Variants in MAN2B2 observed in about 807,000 individuals in gnomAD.
MAN2B2 encodes mannosidase alpha class 2B member 2.
MAN2B2 carries 106 observed loss-of-function variants against 117.1 expected under a neutral mutation model. The observed-to-expected ratio is 0.90, with a 90% CI of 0.77 to 1.06. MAN2B2 has a LOEUF of 1.06. Among genes scored for constraint, MAN2B2 ranks in the 50% least tolerant of loss-of-function variants. The probability of loss-of-function intolerance (pLI) is 0.00; values close to 1 mark genes in which losing one functional copy is unlikely to be tolerated. For synonymous variants in MAN2B2, 544 were observed against 595.1 expected, an observed-to-expected ratio of 0.91 and a Z score of 1.25; for missense variants, 1,326 against 1,381.4, an observed-to-expected ratio of 0.96 and a Z score of 0.64.
At chr4:6,610,166 CTTTT>C in intron 13 of MAN2B2, 116 bp downstream of exon 13, 1 of 1,434,496 alleles carries the variant, frequency 7.0e-7, no homozygotes, top group South Asian at 1.4e-5. Context: ...TGTTTTTTTC[CTTTT>C]TTTTAAGATG....
intron 3 of MAN2B2, among the ~76,000 whole-genome samples, chr4:6,586,041 T>A (rs1266855792): frequency 6.6e-6 from 1 of 151,080 alleles, no homozygotes; most frequent in African/African-American, 2.4e-5. Context: ...TTTATGGACA[T>A]CTTTTCTTGT....
chr4:6,618,665 G>A (rs1226217745), intron 17 of MAN2B2: 4 of 152,390 alleles, frequency 2.6e-5, no homozygotes, highest in African/African-American at 9.6e-5. Context: ...TCCCTCCCCA[G>A]AAGGCATGAC....
At position 6,587,139 on chromosome 4, in the gene MAN2B2, G is replaced by A. The variant is rs150055771; in HGVS notation, c.535G>A (p.Asp179Asn). The change falls in exon 4 of 19, where the codon GAC becomes AAC. Residue 179 changes from aspartate (D) to asparagine (N), a missense_variant. Asp to Asn is a conservative substitution (Grantham distance 23). Coordinates refer to ENST00000285599, the MANE Select transcript of MAN2B2 (RefSeq NM_015274.3). Reference sequence around the variant, plus strand: ...CCACCTCGGCTCCCGGATCGACTACGACCTGAAGGCAGCCATGCAGGAGGC... The same window carrying A: ...CCACCTCGGCTCCCGGATCGACTACAACCTGAAGGCAGCCATGCAGGAGGC... ...NAHLGSRIDYDLKAAMQEARG... is the reference protein window; with the variant it reads ...NAHLGSRIDYNLKAAMQEARG... The A allele has an allele frequency of 4.5e-4, 729 of 1,613,554 alleles. 1 individual carries two copies. In the African/African-American group the frequency reaches 7.9e-3, roughly 17 times the overall value.
At position 6,582,652 on chromosome 4, in the gene MAN2B2, G is replaced by A. The variant is rs78707226; in HGVS notation, c.391+4154G>A. On this transcript the variant is annotated intron_variant, in intron 3 of 18. Transcript: ENST00000285599. Reference sequence around the variant, plus strand: ...ACCAAGCCCGGCCCCCAGCAGTATTGAAAACACACTTAAATTGTCTCTCTT... The same window carrying A: ...ACCAAGCCCGGCCCCCAGCAGTATTAAAAACACACTTAAATTGTCTCTCTT... Among the ~76,000 whole-genome samples the A allele has an allele frequency of 8.7e-3, 1,318 of 152,060 alleles. 22 individuals carry two copies. Among genetic ancestry groups the A allele is most frequent in the African/African-American group, 0.03 (1,225 of 41,460 alleles).
chr4:6,594,474 C>A, intron 6 of MAN2B2, 60 bp from the exon 7 acceptor site: 1 of 1,557,640 alleles, frequency 6.4e-7, no homozygotes. Flanking sequence ...GATCGGCCCA[C>A]CCCCACTGGG....
At chr4:6,603,714 G>A (rs1031737779) in intron 10 of MAN2B2, among the ~76,000 whole-genome samples, 1 of 152,102 alleles carries the variant, frequency 6.6e-6, no homozygotes, top group African/African-American at 2.4e-5. Flanking sequence ...CAGGTGATAA[G>A]TAAAATAAGA....
Position 6,610,066 on chromosome 4 carries a change from C to T in MAN2B2, c.2259+16C>T. On this transcript the variant is annotated intron_variant, in intron 13 of 18. Coordinates refer to ENST00000285599, the MANE Select transcript of MAN2B2 (RefSeq NM_015274.3). The stretch of plus-strand genomic sequence containing the variant: ...CATCGCCCGGGTATGTCCTGCAATG[C>T]CCACAAGGCACGCTCCCAATGGCGC... 6.2e-7 allele frequency: 1 copy of T among 1,613,134 alleles called. No individual in the cohort carries two copies. The highest frequency in any genetic ancestry group is 8.5e-7 in the Non-Finnish European group (1 of 1,179,286).
At chr4:6,612,586 C>T (rs141375014) in intron 15 of MAN2B2, among the ~76,000 whole-genome samples, 7 of 152,372 alleles carry the variant, frequency 4.6e-5, no homozygotes, top group South Asian at 2.1e-4. Context: ...TCTCCCAGGA[C>T]GGCCATTGAG....
chr4:6,586,914 G>T, intron 3 of MAN2B2, 82 bp from the exon 4 acceptor site: 1 of 1,381,752 alleles, frequency 7.2e-7, no homozygotes, highest in Non-Finnish European at 1.0e-6. Flanking sequence ...CACTGGATAG[G>T]CAGGGTCCCC....
At chr4:6,583,436 G>A (rs1189789574) in intron 3 of MAN2B2, among the ~76,000 whole-genome samples, 1 of 152,180 alleles carries the variant, frequency 6.6e-6, no homozygotes, top group African/African-American at 2.4e-5. Flanking sequence ...GTTACTAAAA[G>A]GAAGAAGGAC....
chr4:6,589,007 G>A, intron 4 of MAN2B2, 38 bp from the exon 5 acceptor site: 1 of 1,510,056 alleles, frequency 6.6e-7, no homozygotes, highest in South Asian at 1.1e-5. Flanking sequence ...GGGCAGCCAT[G>A]TGGCCCCTCC....
At chr4:6,617,122 T>G (rs1224520654) in intron 16 of MAN2B2, among the ~76,000 whole-genome samples, 1 of 152,118 alleles carries the variant, frequency 6.6e-6, no homozygotes, top group Non-Finnish European at 1.5e-5. Context: ...CTCATGAGAC[T>G]TATTCACTAT....
chr4:6,617,947 A>G, intron 17 of MAN2B2: 1 of 170,558 alleles, frequency 5.9e-6, no homozygotes, highest in South Asian at 1.3e-4. Flanking sequence ...TCCCAGGTTC[A>G]AGTGATTCTC....
chr4:6,579,150 CCAT>C (rs1726243166), intron 3 of MAN2B2, among the ~76,000 whole-genome samples: 6 of 83,842 alleles, frequency 7.2e-5, no homozygotes, highest in Admixed American at 1.2e-4. Context: ...ATCACCACCA[CCAT>C]CACCATCACC....
At chr4:6,591,718 CCTT>C (rs1413716042) in intron 5 of MAN2B2, among the ~76,000 whole-genome samples, 2 of 152,160 alleles carry the variant, frequency 1.3e-5, no homozygotes, top group African/African-American at 4.8e-5. Flanking sequence ...TCGCTGTACA[CCTT>C]CTTCCCCAGA....
chr4:6,579,275 C>T (rs1047890493), intron 3 of MAN2B2, among the ~76,000 whole-genome samples: 1 of 116,718 alleles, frequency 8.6e-6, no homozygotes, highest in Admixed American at 8.6e-5. Context: ...CCACCATCAC[C>T]ACCACCATCA....
At chr4:6,576,205 G>A (rs1221642342) in intron 1 of MAN2B2, among the ~76,000 whole-genome samples, 3 of 152,106 alleles carry the variant, frequency 2.0e-5, no homozygotes, top group Non-Finnish European at 4.4e-5. Context: ...ACCACACCCC[G>A]ACTGAGGCCT....
At chr4:6,578,099 C>T (rs1330988213) in intron 2 of MAN2B2, among the ~76,000 whole-genome samples, 1 of 152,098 alleles carries the variant, frequency 6.6e-6, no homozygotes, top group Admixed American at 6.6e-5. Flanking sequence ...GATATGGGAG[C>T]TCTTTGTTCT....
At position 6,610,903 on chromosome 4, in the gene MAN2B2, G is replaced by A. The variant is rs550107736; in HGVS notation, c.2283G>A (p.Ser761=). The A allele has an allele frequency of 4.2e-5, 67 of 1,614,184 alleles. No homozygotes were observed. Among genetic ancestry groups the A allele is most frequent in the South Asian group, 3.4e-4 (31 of 91,088 alleles). The change falls in exon 14 of 19, where the codon TCG becomes TCA. Residue 761 remains serine, a synonymous_variant. Transcript: ENST00000285599. ...AGAATTACTACCCCATGGTTCAGTC[G>A]GCCTTCATGGAGGATGGCAAAAGCA... ...IARNYYPMVQ[S]AFMEDGKSRL...
Sources: allele counts gnomAD v4.1 joint callset (sites outside exome capture counted in the v4.1 genomes callset), GRCh38; gene constraint gnomAD v4.1.1; transcripts MANE v1.5; gene names NCBI Gene and HGNC (gene_info 2026-07-23, HGNC 2026-07-21).